Variants in SLC41A2 observed in about 807,000 individuals in gnomAD.
SLC41A2 encodes the protein solute carrier family 41 member 2, also known as SLC41A1-like 1.
In SLC41A2, 32 loss-of-function variants were observed where a neutral mutation model predicts 58.3. That is an observed-to-expected ratio of 0.55 (90% confidence interval 0.41 to 0.74). The LOEUF (loss-of-function observed/expected upper bound fraction) is 0.74, where lower values mean the gene tolerates loss of function less well. Among genes scored for constraint, SLC41A2 ranks in the 30% least tolerant of loss-of-function variants. The pLI is 0.00. For synonymous variants in SLC41A2, 190 were observed against 235.0 expected (o/e 0.81, Z 1.75); for missense variants, 514 against 680.6 (o/e 0.76, Z 2.72).
chr12:104,940,354 G>C (rs924916690), intron 1 of SLC41A2, among the ~76,000 whole-genome samples: 5 of 150,812 alleles, frequency 3.3e-5, no homozygotes, highest in East Asian at 1.9e-4. Flanking sequence ...GCTCACCTGG[G>C]GGGGAGGGGG....
At chr12:104,914,184 A>G (rs1020965685) in intron 2 of SLC41A2, among the ~76,000 whole-genome samples, 12 of 152,224 alleles carry the variant, frequency 7.9e-5, no homozygotes, top group Non-Finnish European at 1.6e-4. Flanking sequence ...GACAAAAAGA[A>G]TACCTAACAA....
intron 2 of SLC41A2, among the ~76,000 whole-genome samples, chr12:104,912,660 G>A (rs2135793382): frequency 6.6e-6 from 1 of 152,278 alleles, no homozygotes; most frequent in South Asian, 2.1e-4. Flanking sequence ...CCTGAGTTCT[G>A]TGAGCAGCTT....
At chr12:104,946,183 G>T (rs945435403) in intron 1 of SLC41A2, among the ~76,000 whole-genome samples, 9 of 152,148 alleles carry the variant, frequency 5.9e-5, no homozygotes, top group Non-Finnish European at 2.9e-5. Context: ...AGTAGCATAG[G>T]AGTTTTAAAT....
chr12:104,808,222 T>C (rs372320245), intron 10 of SLC41A2, among the ~76,000 whole-genome samples: 1 of 152,230 alleles, frequency 6.6e-6, no homozygotes, highest in Non-Finnish European at 1.5e-5. Flanking sequence ...ATAGCTCTTA[T>C]TATTTTGAGA....
intron 1 of SLC41A2, among the ~76,000 whole-genome samples, chr12:104,952,437 G>C (rs553244485): frequency 1.3e-5 from 2 of 152,116 alleles, no homozygotes; most frequent in Non-Finnish European, 2.9e-5. Flanking sequence ...ATTGGAACCA[G>C]GTTTTGGAAT....
chr12:104,865,906 C>A (rs1330532758), intron 7 of SLC41A2, among the ~76,000 whole-genome samples: 1 of 151,992 alleles, frequency 6.6e-6, no homozygotes, highest in African/African-American at 2.4e-5. Flanking sequence ...TTATGTTGTT[C>A]TATTTATTTT....
chr12:104,834,014 G>C, intron 10 of SLC41A2: 1 of 985,276 alleles, frequency 1.0e-6, no homozygotes, highest in Non-Finnish European at 1.2e-6. Context: ...GAGAAAAGAT[G>C]GTTGAGCTTC....
intron 2 of SLC41A2, 134 bp downstream of exon 2, chr12:104,927,839 G>A: frequency 1.3e-6 from 1 of 764,962 alleles, no homozygotes; most frequent in Non-Finnish European, 1.9e-6. Context: ...CCCAGAGTCA[G>A]CATCTGTTCA....
intron 1 of SLC41A2, among the ~76,000 whole-genome samples, chr12:104,939,792 A>G (rs952193395): frequency 6.6e-6 from 1 of 152,216 alleles, no homozygotes; most frequent in African/African-American, 2.4e-5. Context: ...TAATTATTTC[A>G]TTTAGTTGAA....
At chr12:104,956,561 C>A (rs1158673803) in intron 1 of SLC41A2, among the ~76,000 whole-genome samples, 1 of 152,082 alleles carries the variant, frequency 6.6e-6, no homozygotes, top group South Asian at 2.1e-4. Flanking sequence ...TGCCTGTAGT[C>A]CCAGCTACTT....
At chr12:104,875,281 CGTT>C (rs1320557423) in intron 6 of SLC41A2, among the ~76,000 whole-genome samples, 3 of 152,038 alleles carry the variant, frequency 2.0e-5, no homozygotes, top group Admixed American at 2.0e-4. Flanking sequence ...ATTTTGTTGT[CGTT>C]GTTGTTTAGG....
At chr12:104,916,202 G>A in intron 2 of SLC41A2, among the ~76,000 whole-genome samples, 1 of 152,176 alleles carries the variant, frequency 6.6e-6, no homozygotes, top group East Asian at 1.9e-4. Flanking sequence ...TTGCATCAAT[G>A]TTCATCAAAG....
chr12:104,929,828 T>C (rs915744292), intron 1 of SLC41A2, among the ~76,000 whole-genome samples: 4 of 152,250 alleles, frequency 2.6e-5, no homozygotes, highest in Non-Finnish European at 5.9e-5. Context: ...TTGTTGCTGC[T>C]ACTATTGCTG....
At chr12:104,864,631 C>A (rs1420027910) in intron 7 of SLC41A2, among the ~76,000 whole-genome samples, 1 of 152,052 alleles carries the variant, frequency 6.6e-6, no homozygotes, top group African/African-American at 2.4e-5. Context: ...AATTTTCTCT[C>A]CTTATCATTC....
chr12:104,873,361 T>C (rs936713386), intron 6 of SLC41A2, among the ~76,000 whole-genome samples: 3 of 152,224 alleles, frequency 2.0e-5, no homozygotes, highest in Admixed American at 6.5e-5. Flanking sequence ...AAATGGCGGA[T>C]TCTCCTTTTT....
rs2040846730 is a variant in SLC41A2 at position 104,805,184 on chromosome 12, T to A, written c.1690A>T (p.Ile564Phe). 1 of 1,612,798 alleles carries A rather than the reference T, an allele frequency of 6.2e-7. No homozygotes were observed. ...LALSFHFLWL[I>F]GDRDGDVGD is the part of the protein sequence containing the mutation. ...CCAACATCTCCATCTCGATCTCCAA[T>A]AAGCCAAAGAAAATGAAAACTTAAG... The change falls in exon 11 of 11, where the codon ATT becomes TTT. Residue 564 changes from isoleucine (I) to phenylalanine (F), a missense_variant. Ile to Phe is a conservative substitution (Grantham distance 21). Transcript: ENST00000258538.
intron 10 of SLC41A2, among the ~76,000 whole-genome samples, chr12:104,806,217 C>T (rs1187768798): frequency 6.6e-6 from 1 of 151,834 alleles, no homozygotes; most frequent in African/African-American, 2.4e-5. Flanking sequence ...CTCCCCACTC[C>T]CCCCACCCCA....
chr12:104,837,090 CCT>C (rs1471641159), intron 10 of SLC41A2, among the ~76,000 whole-genome samples: 1 of 152,040 alleles, frequency 6.6e-6, no homozygotes, highest in Non-Finnish European at 1.5e-5. Flanking sequence ...AACAGCTCCC[CCT>C]GTTAATTAAA....
intron 1 of SLC41A2, among the ~76,000 whole-genome samples, chr12:104,950,431 C>T (rs1412380865): frequency 5.3e-5 from 8 of 152,218 alleles, no homozygotes; most frequent in Non-Finnish European, 8.8e-5. Flanking sequence ...GCTTCCCCTT[C>T]GCCTTCCGCC....
Sources: gnomAD v4.1 joint callset for allele counts (sites outside exome capture counted in the v4.1 genomes callset) on GRCh38, gnomAD v4.1.1 for gene constraint, MANE v1.5 for transcripts, NCBI Gene and HGNC (gene_info 2026-07-23, HGNC 2026-07-21) for gene names.